The following NPIPB6 variants were observed in gnomAD, a reference collection of about 807,000 sequenced individuals.
NPIPB6 encodes the protein nuclear pore complex-interacting protein family member B6.
In NPIPB6, 2 loss-of-function variants were observed where a neutral mutation model predicts 20.0. That is an observed-to-expected ratio of 0.10 (90% CI 0.04 to 0.31). The LOEUF (loss-of-function observed/expected upper bound fraction) is 0.31, where lower values mean the gene tolerates loss of function less well. NPIPB6 is among the 10% of genes least tolerant of loss of function. The pLI is 1.00. For missense variants in NPIPB6, 96 were observed against 293.7 expected (o/e 0.33, Z 4.92); for synonymous variants, 35 against 116.3 (o/e 0.30, Z 4.50).
intron 1 of NPIPB6, among the ~76,000 whole-genome samples, chr16:28,358,055 CTAAGG>C (rs1482017531): frequency 6.0e-5 from 9 of 148,784 alleles, no homozygotes; most frequent in Non-Finnish European, 1.0e-4. Flanking sequence ...AGCTTCTCTC[CTAAGG>C]TATTTGCCCA....
In NPIPB6 at chr16:28,349,724, G is replaced by A. The variant is rs554984530; in HGVS notation, c.304-483C>T. On this transcript the variant is annotated intron_variant, in intron 2 of 6. Transcript: ENST00000532254. ...ACCAACATGGAGAAACGCTGTCTCT[G>A]CTAAAAATACAAAATTAACCAGGCA... 1.2e-3 allele frequency among the ~76,000 whole-genome samples: 125 copies of A among 108,434 alleles called. 31 individuals are homozygous for A. The highest frequency in any genetic ancestry group is 4.5e-3 in the Admixed American group (42 of 9,346). 71.1% of individuals were successfully genotyped at this position (108,434 alleles called of 152,430 possible). A position where few individuals can be genotyped will look rare whatever the true frequency, so the allele number is the denominator to read the frequency against.
chr16:28,348,060 A>G (rs1171853005), intron 4 of NPIPB6, among the ~76,000 whole-genome samples: 1 of 116,186 alleles, frequency 8.6e-6, no homozygotes, highest in Non-Finnish European at 1.9e-5. Flanking sequence ...CAGTGAGCCA[A>G]GATCATGCCA....
intron 1 of NPIPB6, among the ~76,000 whole-genome samples, chr16:28,360,827 TA>T (rs2045415342): frequency 9.3e-6 from 1 of 107,738 alleles, no homozygotes; most frequent in Non-Finnish European, 2.1e-5. Flanking sequence ...GCTGCTCCTT[TA>T]TTCTCGTGGC....
intron 1 of NPIPB6, among the ~76,000 whole-genome samples, chr16:28,362,119 A>T (rs1222656981): frequency 7.4e-6 from 1 of 135,654 alleles, no homozygotes; most frequent in Admixed American, 7.4e-5. Context: ...TTTTTTTTTG[A>T]CAGAGTCTCG....
intron 1 of NPIPB6, among the ~76,000 whole-genome samples, chr16:28,359,192 C>T (rs1426090244): frequency 7.9e-6 from 1 of 126,580 alleles, no homozygotes; most frequent in Non-Finnish European, 1.6e-5. Flanking sequence ...AAGTGAATGG[C>T]AGAGAGTACT....
chr16:28,358,990 G>A (rs1390489728), intron 1 of NPIPB6, among the ~76,000 whole-genome samples: 1 of 134,806 alleles, frequency 7.4e-6, no homozygotes, highest in East Asian at 2.6e-4. Flanking sequence ...GCTGAGGCAG[G>A]ACAATCCCTT....
At chr16:28,342,861 G>T (rs772531330) in exon 7 of NPIPB6, 2 of 1,582,378 alleles carry the variant, frequency 1.3e-6, no homozygotes, top group African/African-American at 1.4e-5. Flanking sequence ...GGAGTCTTGA[G>T]ATTATCATCC....
chr16:28,349,596 A>ACAC (rs1567230360), intron 2 of NPIPB6, among the ~76,000 whole-genome samples: 1 of 88,562 alleles, frequency 1.1e-5, no homozygotes, highest in South Asian at 3.8e-4. Flanking sequence ...CACACACACA[A>ACAC]GAATGACATG....
At chr16:28,351,605 A>G (rs2045230546) in intron 2 of NPIPB6, among the ~76,000 whole-genome samples, 1 of 85,444 alleles carries the variant, frequency 1.2e-5, no homozygotes, top group East Asian at 3.7e-4. Context: ...AGATCACACC[A>G]TTATACTCCA....
At chr16:28,361,758 G>A (rs1408018645) in intron 1 of NPIPB6, among the ~76,000 whole-genome samples, 26 of 78,896 alleles carry the variant, frequency 3.3e-4, no homozygotes, top group Non-Finnish European at 4.0e-4. Context: ...GTGTGTGTGT[G>A]TGTGTGTGTG....
In NPIPB6 at chr16:28,346,233, G is replaced by C. The variant is rs1271889710; in HGVS notation, c.600-1480C>G. 20 of 811,216 alleles carry C rather than the reference G, an allele frequency of 2.5e-5. 6 individuals are homozygous for C. Among genetic ancestry groups the C allele is most frequent in the Non-Finnish European group, 2.9e-5 (20 of 684,704 alleles). The allele number at this position is 811,216 out of a possible 1,614,324, so 50.3% of individuals were successfully genotyped here. A position where few individuals can be genotyped will look rare whatever the true frequency, so the allele number is the denominator to read the frequency against. ...CACAGCGAAAGATCATTTTAGTTCAGTGTGAAAAACCAGACCTCACCAACT... is the reference window on the plus strand; with the variant it reads ...CACAGCGAAAGATCATTTTAGTTCACTGTGAAAAACCAGACCTCACCAACT... On this transcript the variant is annotated intron_variant, in intron 4 of 6. Transcript: ENST00000532254.
chr16:28,342,820 T>C (rs1174982651), exon 7 of NPIPB6: 2 of 1,581,692 alleles, frequency 1.3e-6, no homozygotes, highest in South Asian at 2.3e-5. Context: ...TGGGTGGTTT[T>C]TCCACCTCGG....
At chr16:28,343,051 G>A (rs748878795) in exon 7 of NPIPB6, 1 of 1,455,660 alleles carries the variant, frequency 6.9e-7, no homozygotes, top group South Asian at 1.1e-5. Context: ...TGAGGCTCAG[G>A]GAGTTATCAG....
intron 2 of NPIPB6, among the ~76,000 whole-genome samples, chr16:28,351,763 T>C (rs1277687699): frequency 3.4e-5 from 3 of 87,278 alleles, no homozygotes; most frequent in Non-Finnish European, 5.2e-5. Flanking sequence ...ATAACTCATA[T>C]ATTTTCTGTT....
At chr16:28,347,361 G>A (rs1357628319) in intron 4 of NPIPB6, among the ~76,000 whole-genome samples, 767 of 113,834 alleles carry the variant, frequency 6.7e-3, no homozygotes, top group African/African-American at 0.018. Context: ...AAAGCGACCC[G>A]TACTGAAGTC....
chr16:28,349,488 T>C (rs2045167649), intron 2 of NPIPB6, among the ~76,000 whole-genome samples: 1 of 95,276 alleles, frequency 1.0e-5, no homozygotes, highest in South Asian at 3.2e-4. Flanking sequence ...GAGGCGGAGG[T>C]TGCAGTGAGC....
intron 1 of NPIPB6, among the ~76,000 whole-genome samples, chr16:28,361,734 G>A (rs1219428031): frequency 9.9e-5 from 7 of 70,414 alleles, no homozygotes; most frequent in South Asian, 3.5e-4. Flanking sequence ...CTCTATATGT[G>A]TGTGTGTGTG....
At chr16:28,351,054 T>A in intron 2 of NPIPB6, among the ~76,000 whole-genome samples, 3 of 109,554 alleles carry the variant, frequency 2.7e-5, no homozygotes, top group South Asian at 3.2e-4. Context: ...AGAGAAGCAA[T>A]GGGTAATCTA....
intron 1 of NPIPB6, chr16:28,356,688 G>C (rs561360821): frequency 2.1e-5 from 6 of 285,604 alleles, no homozygotes; most frequent in Admixed American, 7.2e-5. Flanking sequence ...GACGGGGACC[G>C]GGGCGGATCT....
Sources: gnomAD v4.1 joint callset for allele counts (sites outside exome capture counted in the v4.1 genomes callset) on GRCh38, gnomAD v4.1.1 for gene constraint, MANE v1.5 for transcripts, NCBI Gene and HGNC (gene_info 2026-07-23, HGNC 2026-07-21) for gene names.